The following GALNT2 variants were observed in gnomAD, a reference collection of about 807,000 sequenced individuals.
GALNT2 encodes the protein UDP-GalNAc:polypeptide N-acetylgalactosaminyltransferase 2.
A neutral mutation model predicts 81.4 loss-of-function variants in GALNT2; 31 were observed. That is an observed-to-expected ratio of 0.38 (90% CI 0.29 to 0.51). The LOEUF is 0.51. GALNT2 is among the 20% of genes least tolerant of loss of function. The pLI is 0.87. For synonymous variants in GALNT2, 303 were observed against 287.4 expected (o/e 1.05, Z -0.55); for missense variants, 629 against 765.7 (o/e 0.82, Z 2.11).
intron 1 of GALNT2, among the ~76,000 whole-genome samples, chr1:230,068,833 G>T (rs1452083336): frequency 7.9e-5 from 12 of 152,108 alleles, no homozygotes; most frequent in Admixed American, 5.9e-4. Flanking sequence ...CGTTGTTTTT[G>T]TAAAAAATGG....
intron 3 of GALNT2, among the ~76,000 whole-genome samples, chr1:230,222,219 G>A (rs376130447): frequency 9.9e-5 from 15 of 151,724 alleles, no homozygotes; most frequent in African/African-American, 2.9e-4. Flanking sequence ...GTAGAGACGG[G>A]GTTTCACCAT....
intron 3 of GALNT2, among the ~76,000 whole-genome samples, chr1:230,211,327 C>T (rs1036083374): frequency 6.6e-6 from 1 of 152,192 alleles, no homozygotes; most frequent in Non-Finnish European, 1.5e-5. Flanking sequence ...GGGACAGGCG[C>T]TTCTCTAGGC....
rs369532936 is a variant in GALNT2, at chr1:230,193,955, G to A, written c.221-9182G>A. ...CCTCCACTCCCAGGCACCATGGACC[G>A]TTACAGTCGCCAGCCACTCTCTGCT... On this transcript the variant is annotated intron_variant, in intron 2 of 15. Transcript: ENST00000366672. The surrounding 1 kb of genome is among the most constrained non-coding windows in gnomAD (Gnocchi z 4.3). Among the ~76,000 whole-genome samples, 1 of 152,160 alleles carries A rather than the reference G, an allele frequency of 6.6e-6. No individual in the cohort carries two copies. Among genetic ancestry groups the A allele is most frequent in the Non-Finnish European group, 1.5e-5 (1 of 68,022 alleles).
chr1:230,279,288 T>G lies in GALNT2; in HGVS notation c.1561-15T>G. 1 of 1,612,500 alleles carries G rather than the reference T, an allele frequency of 6.2e-7. No homozygotes were observed. The highest frequency in any genetic ancestry group is 8.5e-7 in the Non-Finnish European group (1 of 1,178,946). ...CTTGTGCCCACACTCTAAGGCACTC[T>G]CCTGTGTCTTGCAGAAATGGGAACA... is the stretch of plus-strand genomic sequence containing the variant. On this transcript the variant is annotated splice_polypyrimidine_tract_variant and intron_variant, in intron 15 of 15. Coordinates refer to ENST00000366672, the MANE Select transcript of GALNT2 (RefSeq NM_004481.5). The surrounding 1 kb of genome is among the most constrained non-coding windows in gnomAD (Gnocchi z 4.6).
intron 2 of GALNT2, among the ~76,000 whole-genome samples, chr1:230,196,687 G>A (rs971962799): frequency 1.3e-5 from 2 of 152,164 alleles, no homozygotes; most frequent in Admixed American, 1.3e-4. Flanking sequence ...ACAAGCTGCT[G>A]TCAGCAGGCA....
intron 2 of GALNT2, among the ~76,000 whole-genome samples, chr1:230,192,268 GT>G (rs548177331): frequency 6.6e-6 from 1 of 152,252 alleles, no homozygotes; most frequent in Non-Finnish European, 1.5e-5. Context: ...TCTTACAGCT[GT>G]GATATGTTGG....
intron 14 of GALNT2, among the ~76,000 whole-genome samples, chr1:230,266,235 T>C (rs967441490): frequency 1.3e-5 from 2 of 152,110 alleles, no homozygotes; most frequent in Admixed American, 1.3e-4. Context: ...CCCACTACCT[T>C]CTCTTCTCCC....
At chr1:230,085,006 G>C (rs933816469) in intron 1 of GALNT2, among the ~76,000 whole-genome samples, 1 of 152,170 alleles carries the variant, frequency 6.6e-6, no homozygotes, top group Non-Finnish European at 1.5e-5. Context: ...TGCCCTAAAG[G>C]TGGAGGTGCC....
chr1:230,221,365 A>G (rs933024426), intron 3 of GALNT2, among the ~76,000 whole-genome samples: 1 of 152,210 alleles, frequency 6.6e-6, no homozygotes, highest in African/African-American at 2.4e-5. Flanking sequence ...TTGCTTACTC[A>G]TTTAAAAGGA....
chr1:230,153,911 C>T (rs1262119300), intron 1 of GALNT2, among the ~76,000 whole-genome samples: 1 of 152,232 alleles, frequency 6.6e-6, no homozygotes, highest in Non-Finnish European at 1.5e-5. Flanking sequence ...AACAAAAAAG[C>T]TACTGGTGCC....
intron 15 of GALNT2, among the ~76,000 whole-genome samples, chr1:230,278,242 C>T (rs1666349621): frequency 6.6e-6 from 1 of 151,454 alleles, no homozygotes; most frequent in Non-Finnish European, 1.5e-5. Context: ...CCTCAGCCTG[C>T]AAGGAGCTAG....
chr1:230,262,405 G>C, intron 11 of GALNT2, 168 bp from the exon 12 acceptor site: 1 of 598,440 alleles, frequency 1.7e-6, no homozygotes, highest in South Asian at 2.2e-5. Context: ...GGTCCAGCTC[G>C]AGGTGCTGGT....
At chr1:230,218,904 C>T (rs984075911) in intron 3 of GALNT2, among the ~76,000 whole-genome samples, 2 of 152,322 alleles carry the variant, frequency 1.3e-5, no homozygotes, top group South Asian at 2.1e-4. Context: ...GCCTGAGCTC[C>T]GCCTCCTGTC....
intron 1 of GALNT2, among the ~76,000 whole-genome samples, chr1:230,119,227 C>G (rs1243662729): frequency 6.6e-6 from 1 of 151,866 alleles, no homozygotes; most frequent in Non-Finnish European, 1.5e-5. Flanking sequence ...TTCTTTTTTC[C>G]CTCTGCTTTT....
At chr1:230,060,900 G>A (rs560747445) in intron 1 of GALNT2, among the ~76,000 whole-genome samples, 16 of 152,152 alleles carry the variant, frequency 1.1e-4, no homozygotes, top group African/African-American at 3.9e-4. Flanking sequence ...TTAACATTGT[G>A]CTCTCTCTCT....
rs1459140817 is a variant in GALNT2, at chr1:230,193,491, C to G, written c.221-9646C>G. Reference sequence around the variant, plus strand: ...TGTGCTGGGGTTTGCATGCGCCTCTCTGTGCTGGGGTGTGCGTGCGCCTCT... The same window carrying G: ...TGTGCTGGGGTTTGCATGCGCCTCTGTGTGCTGGGGTGTGCGTGCGCCTCT... On this transcript the variant is annotated intron_variant, in intron 2 of 15. Coordinates refer to ENST00000366672, the MANE Select transcript of GALNT2 (RefSeq NM_004481.5). This position sits in a 1 kb window ranked among gnomAD's most constrained non-coding sequence, Gnocchi z 4.3. Among the ~76,000 whole-genome samples the G allele has an allele frequency of 6.6e-6, 1 of 151,632 alleles. No individual in the cohort carries two copies.
At chr1:230,138,238 AG>A (rs1421622064) in intron 1 of GALNT2, among the ~76,000 whole-genome samples, 1 of 152,208 alleles carries the variant, frequency 6.6e-6, no homozygotes, top group East Asian at 1.9e-4. Context: ...GAAAATAAAC[AG>A]GGCCAGGCAT....
intron 1 of GALNT2, among the ~76,000 whole-genome samples, chr1:230,102,278 C>T (rs1390686423): frequency 3.9e-5 from 6 of 152,144 alleles, no homozygotes; most frequent in African/African-American, 7.2e-5. Flanking sequence ...TGCGAGGGCC[C>T]GGCATGCTGA....
chr1:230,064,504 A>G (rs1015544542), upstream of GALNT2, among the ~76,000 whole-genome samples: 1 of 152,182 alleles, frequency 6.6e-6, no homozygotes, highest in Admixed American at 6.5e-5. Flanking sequence ...AGGGCTGGGT[A>G]TAAAAATCAC....
Sources: allele counts gnomAD v4.1 joint callset (sites outside exome capture counted in the v4.1 genomes callset), GRCh38; gene constraint gnomAD v4.1.1; non-coding constraint Gnocchi (gnomAD v3.1); transcripts MANE v1.5; gene names NCBI Gene and HGNC (gene_info 2026-07-23, HGNC 2026-07-21).